Variants in SIRPG observed in about 807,000 individuals in gnomAD.
SIRPG encodes signal-regulatory protein gamma.
SIRPG carries 38 observed loss-of-function variants against 35.7 expected under a neutral mutation model. That is an observed-to-expected ratio of 1.06 (90% CI 0.82 to 1.40). SIRPG has a LOEUF of 1.40. SIRPG is among the 40% of genes most tolerant of loss of function. The pLI is 0.00. For missense variants in SIRPG, 519 were observed against 483.0 expected (o/e 1.07, Z -0.70); for synonymous variants, 215 against 190.4 (o/e 1.13, Z -1.06).
the SIRPG span, among the ~76,000 whole-genome samples, chr20:1,673,966 A>G: frequency 6.6e-6 from 1 of 152,164 alleles, no homozygotes. Flanking sequence ...CTTGTCCCCT[A>G]AGGCCTGCTC....
At position 1,636,052 on chromosome 20, in the gene SIRPG, C is replaced by T. The variant is rs2091797002; in HGVS notation, c.748+136G>A. 9 of 1,265,002 alleles carry T rather than the reference C, an allele frequency of 7.1e-6. No homozygotes were observed. The South Asian group carries it at 1.3e-4, about 18-fold the overall frequency. The allele number at this position is 1,265,002 out of a possible 1,614,324, so 78.4% of individuals were successfully genotyped here. A position where few individuals can be genotyped will look rare whatever the true frequency, so the allele number is the denominator to read the frequency against. ...AAATGATAGTAAGTGACCAGCACACCTAGGTGCATGGCGGGCGGGCAGTAT... is the reference window on the plus strand; with the variant it reads ...AAATGATAGTAAGTGACCAGCACACTTAGGTGCATGGCGGGCGGGCAGTAT... On this transcript the variant is annotated intron_variant, in intron 3 of 5. Coordinates refer to ENST00000303415, the MANE Select transcript of SIRPG (RefSeq NM_018556.4).
At chr20:1,677,441 C>T in the SIRPG span, among the ~76,000 whole-genome samples, 7 of 152,246 alleles carry the variant, frequency 4.6e-5, no homozygotes, top group East Asian at 1.9e-4. Flanking sequence ...TTCTCCCTTC[C>T]GCAGAGACCC....
chr20:1,674,452 G>T, the SIRPG span, among the ~76,000 whole-genome samples: 1 of 152,156 alleles, frequency 6.6e-6, no homozygotes, highest in African/African-American at 2.4e-5. Context: ...AGTCTGTGAG[G>T]TCAGTGTTAT....
At chr20:1,674,849 G>A in the SIRPG span, among the ~76,000 whole-genome samples, 1 of 152,150 alleles carries the variant, frequency 6.6e-6, no homozygotes, top group East Asian at 1.9e-4. Flanking sequence ...TAAAGGAGTC[G>A]TGATGATCAC....
At chr20:1,658,875 C>T (rs1336788262), upstream of SIRPG, among the ~76,000 whole-genome samples, 1 of 152,150 alleles carries the variant, frequency 6.6e-6, no homozygotes, top group Non-Finnish European at 1.5e-5. Context: ...TTTGGACTCT[C>T]GCTGCCACCC....
chr20:1,673,217 C>A, the SIRPG span, among the ~76,000 whole-genome samples: 28,318 of 152,100 alleles, frequency 0.19, 2,861 homozygotes, highest in Non-Finnish European at 0.24. Context: ...ACCAGCATGG[C>A]GACCCTAACG....
At chr20:1,657,106 A>G (rs1046587546) in intron 1 of SIRPG, among the ~76,000 whole-genome samples, 9 of 152,184 alleles carry the variant, frequency 5.9e-5, no homozygotes, top group African/African-American at 1.9e-4. Context: ...GTCAAGACAC[A>G]TGGAGGAGAT....
chr20:1,630,287 A>T lies in SIRPG; in HGVS notation c.1101T>A (p.Thr367=), dbSNP rs2091739501. ...GGAGGACAGCTATGAGGAGCAGCGCAGTAAGGGATGATGCCGGGCCTGGAA... is the reference window on the plus strand; with the variant it reads ...GGAGGACAGCTATGAGGAGCAGCGCTGTAAGGGATGATGCCGGGCCTGGAA... The part of the protein sequence containing the change: ...DATPGPASSL[T]ALLLIAVLLG... The change falls in exon 5 of 6, where the codon ACT becomes ACA. Residue 367 remains threonine, a synonymous_variant. Transcript: ENST00000303415. 4 of 1,569,534 alleles carry T rather than the reference A, an allele frequency of 2.5e-6. No homozygotes were observed. In the African/African-American group the frequency reaches 4.0e-5, roughly 16 times the overall value.
At chr20:1,676,224 A>G in the SIRPG span, among the ~76,000 whole-genome samples, 2 of 152,160 alleles carry the variant, frequency 1.3e-5, no homozygotes, top group Admixed American at 6.5e-5. Context: ...CTAATGATCT[A>G]GGAAGGAAAT....
At chr20:1,671,784 C>G in the SIRPG span, among the ~76,000 whole-genome samples, 1 of 152,216 alleles carries the variant, frequency 6.6e-6, no homozygotes, top group Non-Finnish European at 1.5e-5. Context: ...GGCTAGTTAT[C>G]TGCAGCAGGA....
chr20:1,655,783 T>C (rs1398314615), intron 1 of SIRPG, among the ~76,000 whole-genome samples: 2 of 152,186 alleles, frequency 1.3e-5, no homozygotes, highest in Non-Finnish European at 2.9e-5. Flanking sequence ...TACATAAGTA[T>C]ACATACTTTT....
intron 2 of SIRPG, among the ~76,000 whole-genome samples, chr20:1,639,051 T>C (rs1436975969): frequency 6.6e-6 from 1 of 152,214 alleles, no homozygotes; most frequent in Admixed American, 6.5e-5. Flanking sequence ...TTCATGTCTT[T>C]GCTATTGTAA....
chr20:1,644,329 A>T (rs1200693400), intron 2 of SIRPG, among the ~76,000 whole-genome samples: 1 of 152,130 alleles, frequency 6.6e-6, no homozygotes, highest in Non-Finnish European at 1.5e-5. Context: ...AGTCCTGAAG[A>T]GGCACTCTGG....
Position 1,630,259 on chromosome 20 carries a change from C to A in SIRPG, c.1129G>T (p.Gly377Cys). The A allele has an allele frequency of 6.3e-7, 1 of 1,575,034 alleles. No individual in the cohort carries two copies. The highest frequency in any genetic ancestry group is 1.2e-5 in the South Asian group (1 of 85,736). Reference sequence around the variant, plus strand: ...TGCTTCCAGGGGACGTAGATGGGGCCCAGGAGGACAGCTATGAGGAGCAGC... The same window carrying A: ...TGCTTCCAGGGGACGTAGATGGGGCACAGGAGGACAGCTATGAGGAGCAGC... ...TALLLIAVLLGPIYVPWKQKT is the reference protein window; with the variant it reads ...TALLLIAVLLCPIYVPWKQKT Residue 377 changes from glycine to cysteine, a missense_variant, in exon 5 of 6, where the codon GGC becomes TGC. By Grantham distance (159) the Gly-to-Cys change is radical. Coordinates refer to ENST00000303415, the MANE Select transcript of SIRPG (RefSeq NM_018556.4).
At chr20:1,685,311 C>T in the SIRPG span, among the ~76,000 whole-genome samples, 1 of 152,136 alleles carries the variant, frequency 6.6e-6, no homozygotes, top group Non-Finnish European at 1.5e-5. Context: ...GTCCCCAGAA[C>T]CTCAGAATTT....
At chr20:1,646,504 G>C (rs186622240) in intron 2 of SIRPG, 145 of 152,350 alleles carry the variant, frequency 9.5e-4, no homozygotes, top group South Asian at 1.0e-3. Context: ...AGCACAACAT[G>C]GGGGGAGAGT....
intron 5 of SIRPG, 39 bp downstream of exon 5, chr20:1,630,183 G>C (rs368426074): frequency 1.4e-6 from 2 of 1,479,586 alleles, no homozygotes; most frequent in Non-Finnish European, 1.8e-6. Context: ...TTGCCCTTCT[G>C]AGACAGCCCT....
the SIRPG span, among the ~76,000 whole-genome samples, chr20:1,665,999 C>T: frequency 2.6e-5 from 4 of 151,996 alleles, no homozygotes; most frequent in Non-Finnish European, 5.9e-5. Flanking sequence ...CGGGTTATGG[C>T]CCCTGAAGGC....
rs917611496 is a variant in SIRPG at position 1,636,355 on chromosome 20, G to T, written c.581C>A (p.Thr194Asn). The T allele has an allele frequency of 6.2e-7, 1 of 1,614,240 alleles. No individual in the cohort carries two copies. Among genetic ancestry groups the T allele is most frequent in the Non-Finnish European group, 8.5e-7 (1 of 1,180,052 alleles). ...ACTCTGTCCTGTGGGGTCCACGTTGGTCTGGAAGTCTGAGAGCTCATTCCC... is the reference window on the plus strand; with the variant it reads ...ACTCTGTCCTGTGGGGTCCACGTTGTTCTGGAAGTCTGAGAGCTCATTCCC... ...KNGNELSDFQ[T>N]NVDPTGQSVA... The change falls in exon 3 of 6, where the codon ACC becomes AAC. Residue 194 changes from threonine to asparagine, a missense_variant. Thr to Asn is a moderately conservative substitution (Grantham distance 65). Transcript: ENST00000303415.
Sources: allele counts gnomAD v4.1 joint callset (sites outside exome capture counted in the v4.1 genomes callset), GRCh38; gene constraint gnomAD v4.1.1; transcripts MANE v1.5; gene names NCBI Gene and HGNC (gene_info 2026-07-23, HGNC 2026-07-21).